Variants in COL23A1 observed in about 807,000 individuals in gnomAD.
COL23A1 encodes collagen type XXIII alpha 1 chain.
COL23A1 carries 97 observed loss-of-function variants against 99.3 expected under a neutral mutation model. The ratio of observed to expected loss-of-function variants is 0.98; its 90% CI spans 0.83 to 1.16. The LOEUF is 1.16. Among genes scored for constraint, COL23A1 ranks in the 50% most tolerant of loss-of-function variants. The probability of loss-of-function intolerance (pLI) is 0.00; values close to 1 mark genes in which losing one functional copy is unlikely to be tolerated. For synonymous variants in COL23A1, 320 were observed against 308.2 expected, an observed-to-expected ratio of 1.04 and a Z score of -0.40; for missense variants, 762 against 757.4, an observed-to-expected ratio of 1.01 and a Z score of -0.07.
rs1352408604 is a variant in COL23A1 at position 178,306,708 on chromosome 5, C to T, written c.406+167G>A. 1.3e-5 allele frequency among the ~76,000 whole-genome samples: 2 copies of T among 152,002 alleles called. No individual in the cohort carries two copies. Among genetic ancestry groups the T allele is most frequent in the African/African-American group, 4.8e-5 (2 of 41,376 alleles). ...AGCCCCGGAAAGGCAGTACTGGGTG[C>T]TGCGGCCTCAGGAAACGGCAGCTGG... On this transcript the variant is annotated intron_variant, in intron 3 of 28. Coordinates refer to ENST00000390654, the MANE Select transcript of COL23A1 (RefSeq NM_173465.4). The surrounding 1 kb of genome is among the most constrained non-coding windows in gnomAD (Gnocchi z 4.1).
At chr5:178,324,347 C>T (rs953940810) in intron 2 of COL23A1, among the ~76,000 whole-genome samples, 2 of 152,174 alleles carry the variant, frequency 1.3e-5, no homozygotes, top group South Asian at 4.1e-4. Context: ...GAAATATTTC[C>T]AGCCTCATGT....
At chr5:178,527,563 C>T (rs144464190) in intron 2 of COL23A1, among the ~76,000 whole-genome samples, 170 of 152,314 alleles carry the variant, frequency 1.1e-3, no homozygotes, top group Non-Finnish European at 2.0e-3. Context: ...CTGGGCACAG[C>T]ACCACGTACA....
intron 2 of COL23A1, among the ~76,000 whole-genome samples, chr5:178,383,175 G>A (rs1320928454): frequency 1.3e-5 from 2 of 152,182 alleles, no homozygotes; most frequent in Admixed American, 6.5e-5. Context: ...GTGCAGCCCA[G>A]CCATTTGCAT....
Position 178,309,114 on chromosome 5 carries a change from TC to T in COL23A1, c.362-2196del, listed in dbSNP as rs1758526890. On this transcript the variant is annotated intron_variant, in intron 2 of 28. Coordinates refer to ENST00000390654, the MANE Select transcript of COL23A1 (RefSeq NM_173465.4). The surrounding 1 kb of genome is among the most constrained non-coding windows in gnomAD (Gnocchi z 4.7). ...TCCGAAGCAATGCAGCACTGTGCTT[TC>T]CTGATGGGAATCACTGGGTACGACT... Among the ~76,000 whole-genome samples, 2 of 152,214 alleles carry T rather than the reference TC, an allele frequency of 1.3e-5. No homozygotes were observed. Among genetic ancestry groups the T allele is most frequent in the Non-Finnish European group, 2.9e-5 (2 of 68,024 alleles).
At chr5:178,500,200 T>C (rs921396511) in intron 2 of COL23A1, among the ~76,000 whole-genome samples, 2 of 152,054 alleles carry the variant, frequency 1.3e-5, no homozygotes, top group African/African-American at 4.8e-5. Context: ...GTAGTGATGG[T>C]TTCATGAGTG....
intron 2 of COL23A1, among the ~76,000 whole-genome samples, chr5:178,470,814 G>A (rs1756704807): frequency 6.6e-6 from 1 of 152,220 alleles, no homozygotes; most frequent in South Asian, 2.1e-4. Flanking sequence ...CCGCCTCCAG[G>A]GCCCCACTGA....
chr5:178,413,404 T>C (rs1262914861), intron 2 of COL23A1, among the ~76,000 whole-genome samples: 1 of 152,234 alleles, frequency 6.6e-6, no homozygotes, highest in Non-Finnish European at 1.5e-5. Flanking sequence ...CCAATTTACC[T>C]TGAATTCAAC....
chr5:178,451,090 T>C (rs1481630965), intron 2 of COL23A1, among the ~76,000 whole-genome samples: 15 of 152,256 alleles, frequency 9.9e-5, no homozygotes, highest in Non-Finnish European at 2.2e-4. Flanking sequence ...AAAAAGGACT[T>C]TGTTTTCAAA....
At position 178,354,120 on chromosome 5, in the gene COL23A1, C is replaced by T. The variant is rs546809598; in HGVS notation, c.362-47201G>A. The stretch of plus-strand genomic sequence containing the variant: ...TGGTTGGGACTTTTCCCACTGGATA[C>T]TGTTTTATACCATTTGAATCTTTTT... On this transcript the variant is annotated intron_variant, in intron 2 of 28. Coordinates refer to ENST00000390654, the MANE Select transcript of COL23A1 (RefSeq NM_173465.4). Among the ~76,000 whole-genome samples, 94 of 151,998 alleles carry T rather than the reference C, an allele frequency of 6.2e-4. 1 individual carries two copies. The highest frequency in any genetic ancestry group is 2.4e-3 in the Admixed American group (36 of 15,292).
chr5:178,580,396 GCA>G (rs1041875832), intron 1 of COL23A1, among the ~76,000 whole-genome samples: 13 of 149,708 alleles, frequency 8.7e-5, no homozygotes, highest in Non-Finnish European at 1.6e-4. Context: ...CACATGGGAC[GCA>G]CACAGTTGTT....
chr5:178,466,849 G>A (rs1336061763), intron 2 of COL23A1, among the ~76,000 whole-genome samples: 4 of 152,222 alleles, frequency 2.6e-5, no homozygotes, highest in Non-Finnish European at 5.9e-5. Flanking sequence ...CTGGGCACAC[G>A]GAAGTCCGAG....
intron 2 of COL23A1, among the ~76,000 whole-genome samples, chr5:178,363,638 AC>A (rs1436989595): frequency 9.9e-5 from 15 of 152,152 alleles, no homozygotes; most frequent in Admixed American, 1.3e-4. Context: ...CCCTCGACCC[AC>A]AGTCCCACAG....
intron 2 of COL23A1, among the ~76,000 whole-genome samples, chr5:178,518,471 G>T (rs1454763085): frequency 1.3e-4 from 19 of 147,922 alleles, no homozygotes; most frequent in Non-Finnish European, 2.7e-4. Context: ...CAGTAGGGGC[G>T]GCCGGGCAGA....
rs1163260048 is a variant in COL23A1 at position 178,468,457 on chromosome 5, G to A, written c.361+92225C>T. 6.6e-6 allele frequency among the ~76,000 whole-genome samples: 1 copy of A among 152,152 alleles called. No homozygotes were observed. The highest frequency in any genetic ancestry group is 1.9e-4 in the East Asian group (1 of 5,182). The stretch of plus-strand genomic sequence containing the variant: ...CAACAACCACGGCTCCGTCTCCTGT[G>A]GGCTAGACACTGCCTGCAGGGCACG... On this transcript the variant is annotated intron_variant, in intron 2 of 28. Coordinates refer to ENST00000390654, the MANE Select transcript of COL23A1 (RefSeq NM_173465.4). This position sits in a 1 kb window ranked among gnomAD's most constrained non-coding sequence, Gnocchi z 4.2.
At chr5:178,584,772 C>A (rs1442592999) in intron 1 of COL23A1, among the ~76,000 whole-genome samples, 1 of 152,156 alleles carries the variant, frequency 6.6e-6, no homozygotes, top group Non-Finnish European at 1.5e-5. Flanking sequence ...CCCAGACACA[C>A]CGAGTGGGTG....
intron 2 of COL23A1, among the ~76,000 whole-genome samples, chr5:178,549,958 C>T (rs529212047): frequency 6.6e-6 from 1 of 152,206 alleles, no homozygotes; most frequent in Non-Finnish European, 1.5e-5. Context: ...ATATTTGAAA[C>T]ATTCTGTAAT....
chr5:178,412,361 G>A (rs1010185113), intron 2 of COL23A1, among the ~76,000 whole-genome samples: 1 of 152,148 alleles, frequency 6.6e-6, no homozygotes, highest in Admixed American at 6.5e-5. Context: ...AAGAACTAGA[G>A]GTAAAGGAAG....
At chr5:178,263,000 G>T (rs1375071557) in intron 9 of COL23A1, among the ~76,000 whole-genome samples, 5 of 152,084 alleles carry the variant, frequency 3.3e-5, no homozygotes, top group Non-Finnish European at 5.9e-5. Context: ...GTTAGGGTTG[G>T]GTTTGGGTCT....
intron 2 of COL23A1, among the ~76,000 whole-genome samples, chr5:178,558,054 C>T (rs1417525702): frequency 6.6e-6 from 1 of 150,976 alleles, no homozygotes; most frequent in East Asian, 2.0e-4. Context: ...CAGGGCTCCC[C>T]AGGGAGCCGG....
Sources: gnomAD v4.1 joint callset for allele counts (sites outside exome capture counted in the v4.1 genomes callset) on GRCh38, gnomAD v4.1.1 for gene constraint, Gnocchi (gnomAD v3.1) non-coding constraint, MANE v1.5 for transcripts, NCBI Gene and HGNC (gene_info 2026-07-23, HGNC 2026-07-21) for gene names.